Variants in NMT1 observed in about 807,000 individuals in gnomAD.
NMT1 encodes N-myristoyltransferase 1.
NMT1 carries 12 observed loss-of-function variants against 63.4 expected under a neutral mutation model. The observed-to-expected ratio is 0.19, with a 90% CI of 0.12 to 0.31. The LOEUF is 0.31. Ranked by LOEUF, NMT1 falls within the 10% of genes least tolerant of loss-of-function variation. The pLI is 1.00. For synonymous variants in NMT1, 228 were observed against 234.3 expected (o/e 0.97, Z 0.25); for missense variants, 432 against 634.6 (o/e 0.68, Z 3.43).
intron 1 of NMT1, among the ~76,000 whole-genome samples, chr17:45,080,305 C>T (rs2054008236): frequency 6.6e-6 from 1 of 151,628 alleles, no homozygotes; most frequent in Non-Finnish European, 1.5e-5. Flanking sequence ...GGATTACAGG[C>T]ATGCGCCACC....
Position 45,105,011 on chromosome 17 carries a change from G to GCCAGAGT in NMT1, c.1470+20_1470+26dup. 6.2e-7 allele frequency: 1 copy of GCCAGAGT among 1,614,086 alleles called. No individual in the cohort carries two copies. Among genetic ancestry groups the GCCAGAGT allele is most frequent in the South Asian group, 1.1e-5 (1 of 91,076 alleles). On this transcript the variant is annotated intron_variant, in intron 11 of 11. Coordinates refer to ENST00000258960, the MANE Select transcript of NMT1 (RefSeq NM_021079.5). The surrounding 1 kb of genome is among the most constrained non-coding windows in gnomAD (Gnocchi z 4.2). ...GGGCAGAGAAGGTAGGCGACACATA[G>GCCAGAGT]CCAGAGTCCAGGCTGCCCGGCCCAG...
intron 7 of NMT1, chr17:45,098,820 A>C (rs1267563319): frequency 7.3e-6 from 3 of 413,756 alleles, no homozygotes. Flanking sequence ...GGGGGGCGGT[A>C]CTGGTGGTTT....
chr17:45,103,965 A>T lies in NMT1; in HGVS notation c.1332+89A>T, dbSNP rs751699955. 2 of 1,600,946 alleles carry T rather than the reference A, an allele frequency of 1.2e-6. No homozygotes were observed. The highest frequency in any genetic ancestry group is 1.7e-6 in the Non-Finnish European group (2 of 1,179,654). ...CACAGCTCCCGGGACGCAGCCTCCC[A>T]TGGGCTGGAGGCTCTGAGCCCTCCT... On this transcript the variant is annotated intron_variant, in intron 10 of 11. Coordinates refer to ENST00000258960, the MANE Select transcript of NMT1 (RefSeq NM_021079.5). This position sits in a 1 kb window ranked among gnomAD's most constrained non-coding sequence, Gnocchi z 4.8.
chr17:45,064,077 C>T (rs866708365), intron 1 of NMT1, among the ~76,000 whole-genome samples: 6 of 152,072 alleles, frequency 3.9e-5, no homozygotes, highest in Middle Eastern at 6.8e-3. Flanking sequence ...CCCAGCTACT[C>T]GGGAGGCTGA....
intron 3 of NMT1, among the ~76,000 whole-genome samples, chr17:45,090,702 G>GA (rs754261171): frequency 1.3e-5 from 2 of 152,194 alleles, no homozygotes; most frequent in Non-Finnish European, 2.9e-5. Context: ...GTCATGGAGA[G>GA]AATTTTGAGG....
intron 1 of NMT1, among the ~76,000 whole-genome samples, chr17:45,069,449 G>C (rs954575107): frequency 2.7e-5 from 4 of 150,678 alleles, no homozygotes; most frequent in African/African-American, 9.8e-5. Context: ...ATGCCACCAC[G>C]CCCAGCTGAT....
At chr17:45,066,286 C>T (rs1320761650) in intron 1 of NMT1, among the ~76,000 whole-genome samples, 4 of 151,928 alleles carry the variant, frequency 2.6e-5, no homozygotes, top group Non-Finnish European at 5.9e-5. Context: ...AACTCCTGAG[C>T]TCAGGCAATC....
chr17:45,067,988 A>G (rs1196626865), intron 1 of NMT1, among the ~76,000 whole-genome samples: 1 of 152,194 alleles, frequency 6.6e-6, no homozygotes, highest in African/African-American at 2.4e-5. Context: ...TATAGAGCCC[A>G]TAGATTTATG....
intron 1 of NMT1, among the ~76,000 whole-genome samples, chr17:45,078,025 G>A (rs992628476): frequency 1.6e-4 from 24 of 152,092 alleles, no homozygotes; most frequent in African/African-American, 5.8e-4. Flanking sequence ...TAGACTTCAT[G>A]ACCTTATGCT....
At chr17:45,098,332 A>G (rs763330380) in intron 6 of NMT1, 50 bp from the exon 7 acceptor site, 1 of 1,577,408 alleles carries the variant, frequency 6.3e-7, no homozygotes, top group East Asian at 2.2e-5. Flanking sequence ...TGGGATCACC[A>G]TTCCCTTCCC....
At chr17:45,101,480 G>A (rs955487235) in intron 8 of NMT1, among the ~76,000 whole-genome samples, 1 of 151,118 alleles carries the variant, frequency 6.6e-6, no homozygotes, top group Non-Finnish European at 1.5e-5. Context: ...AAATTAGCTG[G>A]GTGTGGTATG....
intron 8 of NMT1, chr17:45,099,883 AG>A (rs1463910877): frequency 1.1e-5 from 2 of 188,452 alleles, no homozygotes; most frequent in Admixed American, 1.1e-4. Context: ...GATGCACTAC[AG>A]GGTCTGTGAC....
At chr17:45,082,219 C>T (rs777402688) in intron 2 of NMT1, among the ~76,000 whole-genome samples, 31 of 152,088 alleles carry the variant, frequency 2.0e-4, no homozygotes, top group Non-Finnish European at 3.4e-4. Context: ...GATCCTCCCA[C>T]CTCAGCCTCC....
At chr17:45,072,437 AT>A in intron 1 of NMT1, among the ~76,000 whole-genome samples, 1 of 146,900 alleles carries the variant, frequency 6.8e-6, no homozygotes, top group Non-Finnish European at 1.5e-5. Context: ...TAATTTTTCT[AT>A]TTTTTTAGTA....
chr17:45,077,380 T>A (rs897527249), intron 1 of NMT1, among the ~76,000 whole-genome samples: 3 of 152,194 alleles, frequency 2.0e-5, no homozygotes, highest in Admixed American at 6.6e-5. Flanking sequence ...TCTCCTAATA[T>A]CAGCCAGGTC....
In NMT1 at chr17:45,092,602, C is replaced by A. The variant is rs112985791; in HGVS notation, c.386-1083C>A. On this transcript the variant is annotated intron_variant, in intron 3 of 11. Coordinates refer to ENST00000258960, the MANE Select transcript of NMT1 (RefSeq NM_021079.5). ...GCGGACACCTGTAATTCCAGCCACT[C>A]GGGAGTCTGAGGCAGGAGAATTGCT... Among the ~76,000 whole-genome samples, 13 of 149,994 alleles carry A rather than the reference C, an allele frequency of 8.7e-5. No homozygotes were observed. The East Asian group carries it at 2.6e-3, about 29-fold the overall frequency.
At position 45,061,471 on chromosome 17, in the gene NMT1, C is replaced by T. The variant is rs1306258481; in HGVS notation, c.131+11C>T. The T allele has an allele frequency of 1.9e-6, 3 of 1,609,946 alleles. No homozygotes were observed. Among genetic ancestry groups the T allele is most frequent in the Admixed American group, 1.7e-5 (1 of 59,142 alleles). On this transcript the variant is annotated intron_variant, in intron 1 of 11. Coordinates refer to ENST00000258960, the MANE Select transcript of NMT1 (RefSeq NM_021079.5). ...CAGCTACAACCGGGGGTAACGAAAT[C>T]CTCGGAGTCCAATTCCCGTCCAGCC...
At chr17:45,089,871 C>G (rs2054077147) in intron 3 of NMT1, among the ~76,000 whole-genome samples, 1 of 151,770 alleles carries the variant, frequency 6.6e-6, no homozygotes, top group Non-Finnish European at 1.5e-5. Context: ...CTCCTAGGCT[C>G]AAGCTGTCCT....
At chr17:45,096,402 G>C in intron 5 of NMT1, 117 bp downstream of exon 5, 3 of 780,926 alleles carry the variant, frequency 3.8e-6, no homozygotes, top group South Asian at 2.9e-5. Flanking sequence ...AAATTAGTGT[G>C]TCATTTTTGA....
Sources: gnomAD v4.1 joint callset for allele counts (sites outside exome capture counted in the v4.1 genomes callset) on GRCh38, gnomAD v4.1.1 for gene constraint, Gnocchi (gnomAD v3.1) non-coding constraint, MANE v1.5 for transcripts, NCBI Gene and HGNC (gene_info 2026-07-23, HGNC 2026-07-21) for gene names.